The following CNTN4 variants were observed in gnomAD, a reference collection of about 807,000 sequenced individuals.
CNTN4 encodes the protein contactin-4.
Under a neutral mutation model 122.5 loss-of-function variants are expected in CNTN4, and 77 were observed. The observed-to-expected ratio is 0.63, with a 90% CI of 0.52 to 0.76. The LOEUF is 0.76. CNTN4 is among the 30% of genes least tolerant of loss of function. The pLI, the probability that CNTN4 is intolerant of heterozygous loss-of-function variation, is 0.00. For synonymous variants in CNTN4, 512 were observed against 447.0 expected (o/e 1.15, Z -1.83); for missense variants, 1,256 against 1,259.1 (o/e 1.00, Z 0.04).
intron 2 of CNTN4, among the ~76,000 whole-genome samples, chr3:2,286,998 G>A (rs2041924749): frequency 6.6e-6 from 1 of 152,170 alleles, no homozygotes; most frequent in South Asian, 2.1e-4. Context: ...ACAGTTTTGT[G>A]GAGATATTCG....
chr3:2,192,167 G>A (rs981288614), intron 2 of CNTN4, among the ~76,000 whole-genome samples: 1 of 152,018 alleles, frequency 6.6e-6, no homozygotes, highest in Non-Finnish European at 1.5e-5. Flanking sequence ...CTTTGCTATT[G>A]TGAATAGTGC....
intron 5 of CNTN4, among the ~76,000 whole-genome samples, chr3:2,739,308 C>G (rs1165127228): frequency 6.6e-6 from 1 of 151,334 alleles, no homozygotes; most frequent in Non-Finnish European, 1.5e-5. Flanking sequence ...TTGGTAAAAG[C>G]CATTAAAAAA....
chr3:2,418,928 A>G (rs1559535323), intron 3 of CNTN4, among the ~76,000 whole-genome samples: 1 of 152,186 alleles, frequency 6.6e-6, no homozygotes, highest in Non-Finnish European at 1.5e-5. Flanking sequence ...CCGTAGGATG[A>G]AAAAAGCTTT....
At chr3:2,409,283 T>C (rs1293903685) in intron 3 of CNTN4, among the ~76,000 whole-genome samples, 1 of 150,754 alleles carries the variant, frequency 6.6e-6, no homozygotes, top group Non-Finnish European at 1.5e-5. Flanking sequence ...TGTCTCGCTC[T>C]GTCGCCCAGG....
intron 4 of CNTN4, among the ~76,000 whole-genome samples, chr3:2,686,337 T>C (rs2085428729): frequency 6.6e-6 from 1 of 152,086 alleles, no homozygotes; most frequent in Non-Finnish European, 1.5e-5. Flanking sequence ...CCAGTGCTTC[T>C]AACAGTATGA....
chr3:3,042,142 C>A (rs1322908491), intron 20 of CNTN4, among the ~76,000 whole-genome samples, 168 bp from the exon 21 acceptor site: 1 of 152,160 alleles, frequency 6.6e-6, no homozygotes, highest in African/African-American at 2.4e-5. Context: ...TATTCACTAC[C>A]ACCAACTCCA....
At chr3:3,044,279 C>T (rs1700422807) in intron 23 of CNTN4, among the ~76,000 whole-genome samples, 1 of 152,192 alleles carries the variant, frequency 6.6e-6, no homozygotes, top group South Asian at 2.1e-4. Flanking sequence ...TGCAACGTTT[C>T]CAGCTACCTA....
intron 2 of CNTN4, among the ~76,000 whole-genome samples, chr3:2,263,322 A>T (rs568017416): frequency 2.6e-4 from 40 of 152,144 alleles, no homozygotes; most frequent in Non-Finnish European, 4.9e-4. Context: ...ATATTCATTG[A>T]AAATGTACAT....
At chr3:2,384,542 G>A (rs2046163846) in intron 3 of CNTN4, among the ~76,000 whole-genome samples, 1 of 152,170 alleles carries the variant, frequency 6.6e-6, no homozygotes, top group Admixed American at 6.5e-5. Context: ...AATAGATTGG[G>A]AAATCATGAG....
chr3:2,390,785 A>G (rs1158129251), intron 3 of CNTN4, among the ~76,000 whole-genome samples: 1 of 152,210 alleles, frequency 6.6e-6, no homozygotes, highest in Admixed American at 6.5e-5. Flanking sequence ...TCATCAAGCC[A>G]CTTTAATTTC....
intron 3 of CNTN4, among the ~76,000 whole-genome samples, chr3:2,546,682 A>G (rs978007137): frequency 6.6e-6 from 1 of 152,138 alleles, no homozygotes; most frequent in Non-Finnish European, 1.5e-5. Context: ...AATATGAACA[A>G]AGTCCCAATG....
chr3:2,719,874 G>A (rs1201414237), intron 4 of CNTN4, among the ~76,000 whole-genome samples: 13 of 152,136 alleles, frequency 8.5e-5, no homozygotes, highest in Non-Finnish European at 1.0e-4. Flanking sequence ...AAGTAATCAG[G>A]ATATGTAGTG....
intron 7 of CNTN4, among the ~76,000 whole-genome samples, chr3:2,835,320 A>C (rs999891030): frequency 1.3e-5 from 2 of 152,212 alleles, no homozygotes; most frequent in Non-Finnish European, 2.9e-5. Flanking sequence ...AAGTTTGGGA[A>C]TACAAGGAGA....
intron 3 of CNTN4, among the ~76,000 whole-genome samples, chr3:2,559,699 C>T (rs1011129535): frequency 8.5e-5 from 13 of 152,082 alleles, no homozygotes; most frequent in African/African-American, 2.9e-4. Flanking sequence ...TTGCAGAAGG[C>T]TTCTGGAAAA....
At chr3:3,045,147 C>T (rs920314236) in intron 23 of CNTN4, among the ~76,000 whole-genome samples, 1 of 152,230 alleles carries the variant, frequency 6.6e-6, no homozygotes, top group Non-Finnish European at 1.5e-5. Flanking sequence ...GAAGCTCAAA[C>T]TGGGTGGAGC....
In CNTN4 at chr3:2,706,589, C is replaced by T. The variant is rs181431240; in HGVS notation, c.56-29626C>T. On this transcript the variant is annotated intron_variant, in intron 4 of 24. Coordinates refer to ENST00000418658, the MANE Select transcript of CNTN4 (RefSeq NM_175607.3). Reference sequence around the variant, plus strand: ...AGGTAGAGTGGGGTGGATATTTCATCGCAAATGAAAAATGCAACAGTTTGT... The same window carrying T: ...AGGTAGAGTGGGGTGGATATTTCATTGCAAATGAAAAATGCAACAGTTTGT... Among the ~76,000 whole-genome samples the T allele has an allele frequency of 1.7e-3, 264 of 152,094 alleles. 1 individual carries two copies. Among genetic ancestry groups the T allele is most frequent in the Non-Finnish European group, 3.4e-3 (234 of 67,992 alleles).
chr3:2,459,893 T>C (rs970348713), intron 3 of CNTN4, among the ~76,000 whole-genome samples: 16 of 152,198 alleles, frequency 1.1e-4, no homozygotes, highest in African/African-American at 3.9e-4. Context: ...TTGTCAGTCT[T>C]CTTCCCTTGT....
chr3:2,472,087 C>T (rs1046738822), intron 3 of CNTN4, among the ~76,000 whole-genome samples: 6 of 150,712 alleles, frequency 4.0e-5, no homozygotes, highest in African/African-American at 1.2e-4. Flanking sequence ...TGGTGGTGCA[C>T]GCCTGTAATC....
In CNTN4 at chr3:2,345,521, A is replaced by G. The variant is rs114383167; in HGVS notation, c.-89+6288A>G. ...GATTATGCTATGTTGAATGGCCGGA[A>G]TATCAGGAGCATGGGTGTCATTTGT... On this transcript the variant is annotated intron_variant, in intron 3 of 24. Transcript: ENST00000418658. 8.1e-3 allele frequency among the ~76,000 whole-genome samples: 1,227 copies of G among 152,312 alleles called. 11 individuals carry two copies. Among genetic ancestry groups the G allele is most frequent in the Middle Eastern group, 0.024 (7 of 294 alleles).
Sources: allele counts gnomAD v4.1 joint callset (sites outside exome capture counted in the v4.1 genomes callset), GRCh38; gene constraint gnomAD v4.1.1; transcripts MANE v1.5; gene names NCBI Gene and HGNC (gene_info 2026-07-23, HGNC 2026-07-21).